CDKAL1: variants seen among roughly 807,000 people sequenced by gnomAD.
CDKAL1 encodes CDKAL1 threonylcarbamoyladenosine tRNA methylthiotransferase.
Under a neutral mutation model 68.2 loss-of-function variants are expected in CDKAL1, and 32 were observed. That is an observed-to-expected ratio of 0.47 (90% CI 0.35 to 0.63). CDKAL1 has a LOEUF of 0.63. CDKAL1 is among the 30% of genes least tolerant of loss of function. The pLI is 0.00. For missense variants in CDKAL1, 606 were observed against 696.7 expected, an observed-to-expected ratio of 0.87 and a Z score of 1.47; for synonymous variants, 234 against 244.3, an observed-to-expected ratio of 0.96 and a Z score of 0.39.
intron 10 of CDKAL1, among the ~76,000 whole-genome samples, chr6:20,980,272 CTGTCGCCCAGGCTGGAGTGCAGT>C (rs1766064596): frequency 6.6e-6 from 1 of 151,864 alleles, no homozygotes; most frequent in Non-Finnish European, 1.5e-5. Context: ...CAGTCTCGTT[CTGTCGCCCAGGCTGGAGTGCAGT>C]GGCGCGATCT....
intron 4 of CDKAL1, among the ~76,000 whole-genome samples, chr6:20,619,590 T>C (rs1044049187): frequency 2.6e-5 from 4 of 152,196 alleles, no homozygotes; most frequent in African/African-American, 9.7e-5. Flanking sequence ...ATAAAATAAA[T>C]GCAGATTTTG....
intron 4 of CDKAL1, among the ~76,000 whole-genome samples, chr6:20,606,764 G>A (rs768466315): frequency 1.3e-5 from 2 of 152,184 alleles, no homozygotes; most frequent in African/African-American, 2.4e-5. Context: ...GAGATGCTTC[G>A]TAAAATCTAT....
chr6:20,896,656 G>A (rs1173630547), intron 9 of CDKAL1, among the ~76,000 whole-genome samples: 2 of 152,078 alleles, frequency 1.3e-5, no homozygotes, highest in African/African-American at 4.8e-5. Flanking sequence ...TGTTTGATTT[G>A]TAAACTCATC....
At chr6:20,542,204 A>T (rs1233879667) in intron 2 of CDKAL1, among the ~76,000 whole-genome samples, 1 of 152,348 alleles carries the variant, frequency 6.6e-6, no homozygotes, top group African/African-American at 2.4e-5. Flanking sequence ...GAATGGAAGG[A>T]TGGGAATCCA....
chr6:21,108,100 T>A (rs995207692), intron 12 of CDKAL1, among the ~76,000 whole-genome samples: 1 of 152,174 alleles, frequency 6.6e-6, no homozygotes, highest in Non-Finnish European at 1.5e-5. Context: ...GTTTTCTTCA[T>A]TTTAGTCTGT....
At chr6:20,877,822 A>G (rs1382257135) in intron 9 of CDKAL1, among the ~76,000 whole-genome samples, 2 of 152,056 alleles carry the variant, frequency 1.3e-5, no homozygotes, top group Non-Finnish European at 2.9e-5. Flanking sequence ...TTGGCTTTGT[A>G]TGGTTATAAT....
intron 5 of CDKAL1, among the ~76,000 whole-genome samples, chr6:20,697,703 T>C (rs1771164576): frequency 6.6e-6 from 1 of 152,232 alleles, no homozygotes; most frequent in African/African-American, 2.4e-5. Context: ...AATGTTTCTG[T>C]AGGGACTGTC....
intron 8 of CDKAL1, among the ~76,000 whole-genome samples, chr6:20,815,753 A>G (rs1777017139): frequency 6.6e-6 from 1 of 152,172 alleles, no homozygotes; most frequent in Non-Finnish European, 1.5e-5. Context: ...CCCAGAGATA[A>G]CCACTGTTAA....
chr6:20,651,358 C>G (rs1327548146), intron 5 of CDKAL1, among the ~76,000 whole-genome samples: 3 of 152,042 alleles, frequency 2.0e-5, no homozygotes, highest in African/African-American at 7.2e-5. Context: ...CTCAGTTTGT[C>G]TATTGTTGCT....
chr6:20,991,827 G>A (rs1043584990), intron 10 of CDKAL1, among the ~76,000 whole-genome samples: 6 of 149,968 alleles, frequency 4.0e-5, no homozygotes, highest in Admixed American at 6.7e-5. Context: ...TCTAGCCTGG[G>A]CAACATAGCG....
At chr6:20,838,139 T>C (rs1241230598) in intron 8 of CDKAL1, among the ~76,000 whole-genome samples, 1 of 152,134 alleles carries the variant, frequency 6.6e-6, no homozygotes, top group Non-Finnish European at 1.5e-5. Context: ...AACTTTATGG[T>C]ATATTAGGAA....
chr6:20,574,322 C>T (rs566778373), intron 4 of CDKAL1, among the ~76,000 whole-genome samples: 1 of 152,108 alleles, frequency 6.6e-6, no homozygotes, highest in Admixed American at 6.5e-5. Flanking sequence ...CAGAGCCTCT[C>T]AGAAAGTAAA....
chr6:20,998,567 C>T (rs868684784), intron 10 of CDKAL1, among the ~76,000 whole-genome samples: 4 of 151,078 alleles, frequency 2.6e-5, no homozygotes, highest in Non-Finnish European at 4.4e-5. Flanking sequence ...GCTGAGATCG[C>T]GCCAGTGCAC....
At chr6:21,194,240 C>T (rs1778375740) in intron 13 of CDKAL1, among the ~76,000 whole-genome samples, 1 of 152,228 alleles carries the variant, frequency 6.6e-6, no homozygotes, top group Non-Finnish European at 1.5e-5. Context: ...CCATAGCAGG[C>T]TGCCAGTCAC....
chr6:20,782,305 G>GCA (rs1775464682), intron 8 of CDKAL1, among the ~76,000 whole-genome samples: 1 of 152,226 alleles, frequency 6.6e-6, no homozygotes, highest in Admixed American at 6.5e-5. Context: ...TTGTAGACCA[G>GCA]CATCTGGCCT....
chr6:21,076,997 T>C (rs1014657599), intron 12 of CDKAL1, among the ~76,000 whole-genome samples: 4 of 152,182 alleles, frequency 2.6e-5, no homozygotes, highest in African/African-American at 9.7e-5. Flanking sequence ...AGAAAGATAG[T>C]TGAGAGCCTC....
intron 9 of CDKAL1, among the ~76,000 whole-genome samples, chr6:20,924,754 T>C (rs1476897036): frequency 6.6e-6 from 1 of 152,142 alleles, no homozygotes; most frequent in Non-Finnish European, 1.5e-5. Flanking sequence ...AAGTGCAGGG[T>C]GAAGCAGCAA....
chr6:20,905,639 T>C (rs1301116524), intron 9 of CDKAL1, among the ~76,000 whole-genome samples: 1 of 151,988 alleles, frequency 6.6e-6, no homozygotes, highest in African/African-American at 2.4e-5. Flanking sequence ...TCGAGACACA[T>C]TATCATCAAA....
chr6:20,600,793 C>CATATATATATAT, intron 4 of CDKAL1, among the ~76,000 whole-genome samples: 1 of 86,218 alleles, frequency 1.2e-5, no homozygotes, highest in African/African-American at 3.7e-5. Flanking sequence ...TATATACACA[C>CATATATATATAT]ACACACATGA....
Sources: allele counts gnomAD v4.1 joint callset (sites outside exome capture counted in the v4.1 genomes callset), GRCh38; gene constraint gnomAD v4.1.1; transcripts MANE v1.5; gene names NCBI Gene and HGNC (gene_info 2026-07-23, HGNC 2026-07-21).